Variants in NKAIN2 observed in about 807,000 individuals in gnomAD.
NKAIN2 encodes sodium/potassium-transporting ATPase subunit beta-1-interacting protein 2.
A neutral mutation model predicts 32.6 loss-of-function variants in NKAIN2; 14 were observed. The observed-to-expected ratio is 0.43, with a 90% CI of 0.28 to 0.67. The LOEUF (loss-of-function observed/expected upper bound fraction) is 0.67, where lower values mean the gene tolerates loss of function less well. Among genes scored for constraint, NKAIN2 ranks in the 30% least tolerant of loss-of-function variants. The pLI is 0.17. For synonymous variants in NKAIN2, 80 were observed against 87.2 expected, an observed-to-expected ratio of 0.92 and a Z score of 0.46; for missense variants, 198 against 258.3, an observed-to-expected ratio of 0.77 and a Z score of 1.60.
intron 3 of NKAIN2, among the ~76,000 whole-genome samples, chr6:124,593,162 A>G (rs569488864): frequency 1.3e-5 from 2 of 151,896 alleles, no homozygotes; most frequent in Non-Finnish European, 2.9e-5. Context: ...ATTTACTCTA[A>G]TGGGAATGCT....
At chr6:124,469,364 T>C (rs2114668735) in intron 3 of NKAIN2, among the ~76,000 whole-genome samples, 1 of 152,216 alleles carries the variant, frequency 6.6e-6, no homozygotes, top group African/African-American at 2.4e-5. Context: ...CTCAGCAGGG[T>C]TTCTTTTTCA....
At chr6:124,167,827 A>C (rs1788638130) in intron 1 of NKAIN2, among the ~76,000 whole-genome samples, 1 of 152,102 alleles carries the variant, frequency 6.6e-6, no homozygotes, top group African/African-American at 2.4e-5. Context: ...ACATTTATTG[A>C]TTTGTGTATA....
chr6:123,845,644 A>C (rs2114944698), intron 1 of NKAIN2, among the ~76,000 whole-genome samples: 1 of 152,310 alleles, frequency 6.6e-6, no homozygotes, highest in South Asian at 2.1e-4. Flanking sequence ...AATCCATGTA[A>C]TAAGGAAGGC....
At position 124,275,094 on chromosome 6, in the gene NKAIN2, A is replaced by G. The variant is rs1461295511; in HGVS notation, c.55-7911A>G. Among the ~76,000 whole-genome samples the G allele has an allele frequency of 2.0e-5, 3 of 152,208 alleles. No homozygotes were observed. In the East Asian group the frequency reaches 5.8e-4, roughly 29 times the overall value. On this transcript the variant is annotated intron_variant, in intron 1 of 6. Coordinates refer to ENST00000368417, the MANE Select transcript of NKAIN2 (RefSeq NM_001040214.3). ...ATGCTAGTCATCAGCTTGTCTTTTG[A>G]TAGCATGAGTATTAACTATGAAATG...
At chr6:124,383,823 C>T (rs1317246161) in intron 3 of NKAIN2, among the ~76,000 whole-genome samples, 1 of 152,142 alleles carries the variant, frequency 6.6e-6, no homozygotes, top group Non-Finnish European at 1.5e-5. Context: ...TTCTGTATTC[C>T]ATACCTGGAC....
intron 3 of NKAIN2, among the ~76,000 whole-genome samples, chr6:124,507,302 A>C (rs1472747938): frequency 6.6e-6 from 1 of 152,160 alleles, no homozygotes; most frequent in Non-Finnish European, 1.5e-5. Flanking sequence ...CTTCCTAACA[A>C]GGAAGCAGTT....
At chr6:124,245,219 A>T (rs527713141) in intron 1 of NKAIN2, among the ~76,000 whole-genome samples, 1 of 152,214 alleles carries the variant, frequency 6.6e-6, no homozygotes, top group African/African-American at 2.4e-5. Flanking sequence ...GAGACATTTA[A>T]TCCATCTGGT....
chr6:124,165,623 G>A (rs867850575), intron 1 of NKAIN2, among the ~76,000 whole-genome samples: 7 of 149,368 alleles, frequency 4.7e-5, no homozygotes, highest in South Asian at 4.3e-4. Context: ...CCATTAACTC[G>A]TCATTTAGCA....
chr6:124,058,038 A>G (rs1782743280), intron 1 of NKAIN2, among the ~76,000 whole-genome samples: 1 of 152,086 alleles, frequency 6.6e-6, no homozygotes, highest in Admixed American at 6.6e-5. Context: ...GAGATTAGAT[A>G]ATAGTTATAT....
chr6:124,541,712 G>A lies in NKAIN2; in HGVS notation c.274-116474G>A, dbSNP rs57582391. ...TTTCTGTCAATCCCATCTGTGACAC[G>A]AATAAGAGAGACCCCAGTTAGCAGT... On this transcript the variant is annotated intron_variant, in intron 3 of 6. Coordinates refer to ENST00000368417, the MANE Select transcript of NKAIN2 (RefSeq NM_001040214.3). 9.2e-4 allele frequency among the ~76,000 whole-genome samples: 140 copies of A among 152,228 alleles called. 1 individual carries two copies. Among genetic ancestry groups the A allele is most frequent in the African/African-American group, 3.2e-3 (133 of 41,548 alleles).
chr6:123,853,596 A>T (rs1325434390), intron 1 of NKAIN2, among the ~76,000 whole-genome samples: 2 of 152,188 alleles, frequency 1.3e-5, no homozygotes, highest in African/African-American at 4.8e-5. Flanking sequence ...AATACAAGTG[A>T]CATTCAGGTA....
chr6:123,988,341 G>A (rs1375593115), intron 1 of NKAIN2, among the ~76,000 whole-genome samples: 1 of 152,070 alleles, frequency 6.6e-6, no homozygotes, highest in East Asian at 1.9e-4. Context: ...CATAAAGGAA[G>A]GACATTCCAC....
chr6:123,861,630 T>G (rs1175548256), intron 1 of NKAIN2, among the ~76,000 whole-genome samples: 1 of 152,206 alleles, frequency 6.6e-6, no homozygotes, highest in Non-Finnish European at 1.5e-5. Flanking sequence ...TCTGTCATTT[T>G]CGGGAGAAAA....
chr6:124,748,587 A>C (rs570853767), intron 4 of NKAIN2, among the ~76,000 whole-genome samples: 1 of 152,104 alleles, frequency 6.6e-6, no homozygotes, highest in South Asian at 2.1e-4. Flanking sequence ...TATCAGTGCC[A>C]ATCACTTTTC....
chr6:124,324,743 C>T (rs888075114), intron 2 of NKAIN2, among the ~76,000 whole-genome samples: 15 of 151,746 alleles, frequency 9.9e-5, no homozygotes, highest in Non-Finnish European at 2.1e-4. Flanking sequence ...GGAAATTCAC[C>T]TATATTTGTA....
chr6:124,319,444 C>T (rs1797085976), intron 2 of NKAIN2, among the ~76,000 whole-genome samples: 1 of 152,110 alleles, frequency 6.6e-6, no homozygotes, highest in African/African-American at 2.4e-5. Flanking sequence ...CATTTCAAGA[C>T]TTTAAAAACA....
At chr6:124,281,045 AT>A (rs1298342206) in intron 1 of NKAIN2, among the ~76,000 whole-genome samples, 3 of 152,188 alleles carry the variant, frequency 2.0e-5, no homozygotes, top group South Asian at 4.2e-4. Context: ...TCATCTCTAT[AT>A]TTTTTATAAT....
intron 3 of NKAIN2, among the ~76,000 whole-genome samples, chr6:124,641,608 G>A (rs1005448459): frequency 4.6e-5 from 6 of 129,648 alleles, no homozygotes; most frequent in Admixed American, 1.9e-4. Context: ...CTGGAGTGCA[G>A]TGGCAAGATC....
chr6:124,170,158 C>G (rs1011644825), intron 1 of NKAIN2, among the ~76,000 whole-genome samples: 1 of 152,100 alleles, frequency 6.6e-6, no homozygotes, highest in Non-Finnish European at 1.5e-5. Flanking sequence ...GATCTCAGCT[C>G]AAATATCACC....
Sources: gnomAD v4.1 joint callset for allele counts (sites outside exome capture counted in the v4.1 genomes callset) on GRCh38, gnomAD v4.1.1 for gene constraint, MANE v1.5 for transcripts, NCBI Gene and HGNC (gene_info 2026-07-23, HGNC 2026-07-21) for gene names.